Variants in CCSER1 observed in about 807,000 individuals in gnomAD.
The protein encoded by CCSER1 is serine-rich coiled-coil domain-containing protein 1.
CCSER1 carries 41 observed loss-of-function variants against 82.0 expected under a neutral mutation model. The ratio of observed to expected loss-of-function variants is 0.50; its 90% CI spans 0.39 to 0.65. The LOEUF (loss-of-function observed/expected upper bound fraction) is 0.65. CCSER1 is among the 30% of genes least tolerant of loss of function. The probability of loss-of-function intolerance (pLI) is 0.00; values close to 1 mark genes in which losing one functional copy is unlikely to be tolerated. For missense variants in CCSER1, 1,119 were observed against 1,064.2 expected, an observed-to-expected ratio of 1.05 and a Z score of -0.72; for synonymous variants, 414 against 383.9, an observed-to-expected ratio of 1.08 and a Z score of -0.92.
intron 8 of CCSER1, among the ~76,000 whole-genome samples, chr4:90,904,206 A>T (rs1725101789): frequency 6.6e-6 from 1 of 152,138 alleles, no homozygotes; most frequent in Non-Finnish European, 1.5e-5. Flanking sequence ...TTATCAAAAG[A>T]CCATGGGGAT....
chr4:90,937,504 A>ACAC (rs757870134), intron 9 of CCSER1, among the ~76,000 whole-genome samples: 4 of 77,782 alleles, frequency 5.1e-5, no homozygotes, highest in African/African-American at 1.2e-4. Context: ...CACACACACA[A>ACAC]ACACACACAC....
chr4:91,148,469 T>C (rs1486716001), intron 10 of CCSER1, among the ~76,000 whole-genome samples: 1 of 147,468 alleles, frequency 6.8e-6, no homozygotes, highest in African/African-American at 2.5e-5. Flanking sequence ...TACCAGACAT[T>C]CTTATTTATT....
intron 10 of CCSER1, among the ~76,000 whole-genome samples, chr4:91,144,022 G>T (rs567599458): frequency 1.1e-3 from 166 of 151,714 alleles, no homozygotes; most frequent in Middle Eastern, 0.01. Flanking sequence ...CTCCTTTTTG[G>T]TTTTTTTGGA....
At chr4:91,104,914 A>G (rs1050443569) in intron 10 of CCSER1, among the ~76,000 whole-genome samples, 2 of 152,168 alleles carry the variant, frequency 1.3e-5, no homozygotes, top group South Asian at 2.1e-4. Context: ...TCTTTTTGGT[A>G]TAAATTCATG....
chr4:90,423,068 G>T (rs934048104), intron 4 of CCSER1, among the ~76,000 whole-genome samples: 4 of 151,866 alleles, frequency 2.6e-5, no homozygotes, highest in Non-Finnish European at 5.9e-5. Flanking sequence ...ACATATCTTG[G>T]CATCAATAGT....
chr4:90,191,628 A>T (rs895065529), intron 1 of CCSER1, among the ~76,000 whole-genome samples: 2 of 152,012 alleles, frequency 1.3e-5, no homozygotes, highest in African/African-American at 2.4e-5. Flanking sequence ...ATACTCAGAT[A>T]TATTAGGAGA....
chr4:90,723,583 A>T (rs1743072299), intron 6 of CCSER1, among the ~76,000 whole-genome samples: 2 of 151,864 alleles, frequency 1.3e-5, no homozygotes, highest in Admixed American at 6.6e-5. Flanking sequence ...ATTATTACAG[A>T]TACAGTTTAA....
chr4:90,234,081 G>A (rs539033788), intron 1 of CCSER1, among the ~76,000 whole-genome samples: 23 of 152,078 alleles, frequency 1.5e-4, no homozygotes, highest in Non-Finnish European at 2.5e-4. Context: ...TTTTAAATCC[G>A]AAAATAATAA....
At position 90,706,876 on chromosome 4, in the gene CCSER1, G is replaced by A. The variant is rs1739454237; in HGVS notation, c.1933-17038G>A. On this transcript the variant is annotated intron_variant, in intron 6 of 10. Transcript: ENST00000509176. ...TTTTTGAGAGGGTTTGTGAAAGAAT[G>A]AGTTTGATGAAGTCATGACTTCCAA... 2.6e-5 allele frequency among the ~76,000 whole-genome samples: 4 copies of A among 152,190 alleles called. No individual in the cohort carries two copies. The South Asian group carries it at 8.3e-4, about 32-fold the overall frequency.
At chr4:90,302,567 G>A (rs1226439924) in intron 1 of CCSER1, among the ~76,000 whole-genome samples, 3 of 152,142 alleles carry the variant, frequency 2.0e-5, no homozygotes, top group East Asian at 1.9e-4. Flanking sequence ...TTGGGACACC[G>A]AGGCAGGAGG....
At chr4:91,595,089 A>G (rs1214025516) in intron 10 of CCSER1, among the ~76,000 whole-genome samples, 1 of 151,934 alleles carries the variant, frequency 6.6e-6, no homozygotes, top group African/African-American at 2.4e-5. Context: ...CTCATCCAAT[A>G]CTATAGCCCT....
intron 5 of CCSER1, among the ~76,000 whole-genome samples, chr4:90,574,414 G>A (rs979215676): frequency 2.7e-5 from 4 of 150,738 alleles, no homozygotes; most frequent in Non-Finnish European, 5.9e-5. Flanking sequence ...GACTACAGGC[G>A]CCCGCCACCG....
chr4:90,551,706 C>CTCTCTATATATATATATATA, intron 5 of CCSER1, among the ~76,000 whole-genome samples: 41 of 104,220 alleles, frequency 3.9e-4, no homozygotes, highest in African/African-American at 1.1e-3. Flanking sequence ...CTCTCTCTCT[C>CTCTCTATATATATATATATA]TATATATATA....
chr4:90,275,838 C>G (rs1727435607), intron 1 of CCSER1, among the ~76,000 whole-genome samples: 2 of 152,102 alleles, frequency 1.3e-5, no homozygotes, highest in South Asian at 4.2e-4. Flanking sequence ...CAAGTGATGT[C>G]AAAATGATCT....
intron 5 of CCSER1, among the ~76,000 whole-genome samples, chr4:90,511,797 C>T (rs1771563903): frequency 6.6e-6 from 1 of 152,028 alleles, no homozygotes; most frequent in Non-Finnish European, 1.5e-5. Flanking sequence ...AGAGGAATTT[C>T]TCAAATAGGT....
intron 10 of CCSER1, among the ~76,000 whole-genome samples, chr4:91,483,766 A>G (rs761270971): frequency 1.8e-4 from 28 of 152,152 alleles, no homozygotes; most frequent in Non-Finnish European, 2.8e-4. Context: ...CATTTTTATT[A>G]TATCTTATTT....
intron 5 of CCSER1, among the ~76,000 whole-genome samples, chr4:90,485,300 A>C (rs1475353390): frequency 6.6e-6 from 1 of 152,142 alleles, no homozygotes; most frequent in African/African-American, 2.4e-5. Context: ...AGGAAAGTGA[A>C]TTCCCTGACC....
chr4:90,164,203 G>A (rs1730012789), intron 1 of CCSER1, among the ~76,000 whole-genome samples: 1 of 149,360 alleles, frequency 6.7e-6, no homozygotes, highest in African/African-American at 2.5e-5. Context: ...TTTAATAAGG[G>A]TTTTTTTTCA....
intron 5 of CCSER1, among the ~76,000 whole-genome samples, chr4:90,531,370 T>C (rs545734525): frequency 6.6e-6 from 1 of 151,886 alleles, no homozygotes; most frequent in Non-Finnish European, 1.5e-5. Context: ...ATAAAATCCT[T>C]AGTGAGATTC....
Sources: allele counts gnomAD v4.1 joint callset (sites outside exome capture counted in the v4.1 genomes callset), GRCh38; gene constraint gnomAD v4.1.1; transcripts MANE v1.5; gene names NCBI Gene and HGNC (gene_info 2026-07-23, HGNC 2026-07-21).